Variants in MAGI2 observed in about 807,000 individuals in gnomAD.
MAGI2 encodes membrane associated guanylate kinase, WW and PDZ domain containing 2.
MAGI2 carries 35 observed loss-of-function variants against 133.3 expected under a neutral mutation model. The ratio of observed to expected loss-of-function variants is 0.26; its 90% CI spans 0.20 to 0.35. The LOEUF is 0.35. Among genes scored for constraint, MAGI2 ranks in the 10% least tolerant of loss-of-function variants. The pLI, the probability that MAGI2 is intolerant of heterozygous loss-of-function variation, is 1.00. For missense variants in MAGI2, 1,636 were observed against 1,863.4 expected (o/e 0.88, Z 2.25); for synonymous variants, 729 against 710.6 (o/e 1.03, Z -0.41).
chr7:78,215,653 G>A (rs1163902094), intron 10 of MAGI2, among the ~76,000 whole-genome samples: 2 of 152,180 alleles, frequency 1.3e-5, no homozygotes, highest in African/African-American at 2.4e-5. Context: ...CTGTGGTGGG[G>A]ATTCTCAACG....
chr7:79,402,874 G>A (rs1160232719), intron 1 of MAGI2, among the ~76,000 whole-genome samples: 1 of 152,164 alleles, frequency 6.6e-6, no homozygotes, highest in Non-Finnish European at 1.5e-5. Flanking sequence ...ATTATAGAGT[G>A]AATAAAACAA....
At chr7:78,545,890 G>A (rs1444637721) in intron 3 of MAGI2, among the ~76,000 whole-genome samples, 3 of 152,068 alleles carry the variant, frequency 2.0e-5, no homozygotes, top group African/African-American at 4.8e-5. Flanking sequence ...TTAACTTTAT[G>A]GTACTAACAA....
At chr7:79,437,742 C>G (rs183568148) in intron 1 of MAGI2, among the ~76,000 whole-genome samples, 25 of 152,158 alleles carry the variant, frequency 1.6e-4, no homozygotes, top group Non-Finnish European at 3.1e-4. Flanking sequence ...AAGACTGAAA[C>G]CATATAGCTG....
chr7:78,702,158 C>T (rs989214684), intron 2 of MAGI2, among the ~76,000 whole-genome samples: 16 of 151,976 alleles, frequency 1.1e-4, no homozygotes, highest in Non-Finnish European at 1.8e-4. Flanking sequence ...ATTCACAGTA[C>T]ACATGGTTGG....
At chr7:79,434,481 G>T (rs1416884673) in intron 1 of MAGI2, among the ~76,000 whole-genome samples, 1 of 152,124 alleles carries the variant, frequency 6.6e-6, no homozygotes, top group South Asian at 2.1e-4. Context: ...ATGCATTTCA[G>T]AACAAAGTAG....
chr7:78,290,119 G>A (rs890798097), intron 9 of MAGI2, among the ~76,000 whole-genome samples: 1 of 152,178 alleles, frequency 6.6e-6, no homozygotes, highest in Non-Finnish European at 1.5e-5. Flanking sequence ...AACCTTAAAT[G>A]TAAACGAACT....
Position 79,398,136 on chromosome 7 carries a change from T to C in MAGI2, c.301+54884A>G, listed in dbSNP as rs898439110. Among the ~76,000 whole-genome samples, 4 of 152,216 alleles carry C rather than the reference T, an allele frequency of 2.6e-5. No homozygotes were observed. The East Asian group carries it at 7.7e-4, about 29-fold the overall frequency. ...CTTCATGCATGCAAGTCCCTTGTCA[T>C]ATGTATTTTCCAAGCTCTTCTGCTT... On this transcript the variant is annotated intron_variant, in intron 1 of 21. Coordinates refer to ENST00000354212, the MANE Select transcript of MAGI2 (RefSeq NM_012301.4).
intron 3 of MAGI2, among the ~76,000 whole-genome samples, chr7:78,610,570 A>G (rs1806330250): frequency 6.6e-6 from 1 of 152,224 alleles, no homozygotes; most frequent in Admixed American, 6.5e-5. Context: ...AGTTTGAAAA[A>G]TGCTGGAAGC....
chr7:79,396,154 T>A (rs1327815694), intron 1 of MAGI2, among the ~76,000 whole-genome samples: 1 of 152,166 alleles, frequency 6.6e-6, no homozygotes, highest in Non-Finnish European at 1.5e-5. Context: ...CTTGGGCTCA[T>A]AACTAGATTG....
chr7:79,397,138 C>T (rs1213286218), intron 1 of MAGI2, among the ~76,000 whole-genome samples: 8 of 149,490 alleles, frequency 5.4e-5, no homozygotes, highest in African/African-American at 1.2e-4. Flanking sequence ...TAGGATTCAC[C>T]GATTCACTTT....
chr7:78,319,990 T>G (rs959599449), intron 9 of MAGI2, among the ~76,000 whole-genome samples: 4 of 152,110 alleles, frequency 2.6e-5, no homozygotes, highest in African/African-American at 9.7e-5. Flanking sequence ...GAGAATACTA[T>G]AAACACCTCT....
intron 2 of MAGI2, among the ~76,000 whole-genome samples, chr7:78,942,245 G>A (rs552704549): frequency 9.9e-5 from 15 of 151,776 alleles, no homozygotes; most frequent in Non-Finnish European, 1.8e-4. Flanking sequence ...CTTTTTATTG[G>A]TTATGAAGTT....
chr7:78,484,286 C>T (rs989638298), intron 6 of MAGI2: 5 of 151,896 alleles, frequency 3.3e-5, no homozygotes, highest in Non-Finnish European at 5.9e-5. Flanking sequence ...TAAAGCATGG[C>T]GTATGCTGTC....
intron 10 of MAGI2, among the ~76,000 whole-genome samples, chr7:78,202,155 C>T (rs1829310680): frequency 6.6e-6 from 1 of 151,694 alleles, no homozygotes; most frequent in Admixed American, 6.6e-5. Flanking sequence ...GATAAAATCC[C>T]TAATAAAAAT....
At chr7:78,143,191 C>G (rs915318941) in intron 16 of MAGI2, among the ~76,000 whole-genome samples, 10 of 152,046 alleles carry the variant, frequency 6.6e-5, no homozygotes, top group Non-Finnish European at 1.2e-4. Flanking sequence ...GCATGGCTTG[C>G]AAATAACCAA....
chr7:78,649,413 T>G (rs1811304150), intron 2 of MAGI2, among the ~76,000 whole-genome samples: 2 of 151,928 alleles, frequency 1.3e-5, no homozygotes, highest in Admixed American at 1.3e-4. Flanking sequence ...AGTGGCACCT[T>G]TTTGGAACAT....
intron 1 of MAGI2, among the ~76,000 whole-genome samples, chr7:79,451,845 A>C (rs1188141305): frequency 6.6e-6 from 1 of 152,204 alleles, no homozygotes; most frequent in African/African-American, 2.4e-5. Flanking sequence ...ATATCCATAC[A>C]TACCGCACAC....
At chr7:78,500,884 T>C (rs922664118) in intron 5 of MAGI2, among the ~76,000 whole-genome samples, 1 of 152,114 alleles carries the variant, frequency 6.6e-6, no homozygotes, top group African/African-American at 2.4e-5. Flanking sequence ...GCCCAGGAGT[T>C]TGAGACCAGC....
chr7:78,706,879 C>T (rs759903073), intron 2 of MAGI2, among the ~76,000 whole-genome samples: 4 of 151,986 alleles, frequency 2.6e-5, no homozygotes, highest in Non-Finnish European at 4.4e-5. Flanking sequence ...AAAAGAACAC[C>T]GTGTGAATAC....
Sources: allele counts gnomAD v4.1 joint callset (sites outside exome capture counted in the v4.1 genomes callset), GRCh38; gene constraint gnomAD v4.1.1; transcripts MANE v1.5; gene names NCBI Gene and HGNC (gene_info 2026-07-23, HGNC 2026-07-21).